Variants in KDM4C observed in about 807,000 individuals in gnomAD.
KDM4C encodes lysine-specific demethylase 4C.
KDM4C carries 81 observed loss-of-function variants against 129.3 expected under a neutral mutation model. The observed-to-expected ratio is 0.63, with a 90% CI of 0.52 to 0.75. KDM4C has a LOEUF of 0.75. Among genes scored for constraint, KDM4C ranks in the 30% least tolerant of loss-of-function variants. KDM4C has a pLI of 0.00. For synonymous variants in KDM4C, 573 were observed against 456.1 expected (o/e 1.26, Z -3.26); for missense variants, 1,457 against 1,304.0 (o/e 1.12, Z -1.81).
chr9:7,109,542 G>A (rs1023103267), intron 18 of KDM4C, among the ~76,000 whole-genome samples: 3 of 152,190 alleles, frequency 2.0e-5, no homozygotes, highest in Admixed American at 6.5e-5. Flanking sequence ...TCACTATATT[G>A]TTGTGCCCCT....
intron 20 of KDM4C, 120 bp downstream of exon 20, chr9:7,165,477 T>C: frequency 8.7e-7 from 1 of 1,143,952 alleles, no homozygotes. Context: ...TCTTATTTTA[T>C]GCAGGAGGCA....
In KDM4C at chr9:6,991,344, A is replaced by G. The variant is rs1818711276; in HGVS notation, c.1786+820A>G. ...AGCATTTCTCCTGCCTCAGCCCCGC[A>G]AAGTGCTGAGATTATAAGCATTAGC... is the stretch of plus-strand genomic sequence containing the variant. On this transcript the variant is annotated intron_variant, in intron 12 of 21. Coordinates refer to ENST00000381309, the MANE Select transcript of KDM4C (RefSeq NM_015061.6). Among the ~76,000 whole-genome samples the G allele has an allele frequency of 2.6e-5, 4 of 152,242 alleles. 1 individual carries two copies. The South Asian group carries it at 8.3e-4, about 32-fold the overall frequency.
chr9:6,747,226 C>CAAAG (rs148598220), intron 1 of KDM4C, among the ~76,000 whole-genome samples: 4 of 77,292 alleles, frequency 5.2e-5, no homozygotes, highest in African/African-American at 2.8e-4. Context: ...ACCAACCAAC[C>CAAAG]AAAGAACCTG....
At chr9:7,033,043 G>A (rs573581143) in intron 15 of KDM4C, among the ~76,000 whole-genome samples, 2 of 152,068 alleles carry the variant, frequency 1.3e-5, no homozygotes, top group South Asian at 2.1e-4. Context: ...GCTCTGAAGC[G>A]GCTTTGTAGA....
intron 7 of KDM4C, among the ~76,000 whole-genome samples, chr9:6,891,436 A>C (rs896524775): frequency 6.6e-6 from 1 of 152,342 alleles, no homozygotes; most frequent in East Asian, 1.9e-4. Flanking sequence ...TGATTCTATT[A>C]ATATTAAATA....
At chr9:6,801,894 C>T in intron 2 of KDM4C, among the ~76,000 whole-genome samples, 1 of 151,952 alleles carries the variant, frequency 6.6e-6, no homozygotes, top group Non-Finnish European at 1.5e-5. Context: ...CACCTGAGGT[C>T]AGGAGTTCGA....
intron 15 of KDM4C, among the ~76,000 whole-genome samples, chr9:7,043,264 C>T (rs961912645): frequency 2.6e-5 from 4 of 151,916 alleles, no homozygotes; most frequent in African/African-American, 4.8e-5. Flanking sequence ...GACTCAGTGT[C>T]TTGATGGATA....
At chr9:7,026,624 T>C (rs76752978) in intron 15 of KDM4C, among the ~76,000 whole-genome samples, 9,058 of 152,198 alleles carry the variant, frequency 0.06, 333 homozygotes, top group South Asian at 0.099. Context: ...GACATTAATA[T>C]CATTCCCTAG....
intron 2 of KDM4C, among the ~76,000 whole-genome samples, chr9:6,805,004 G>A (rs536505039): frequency 1.3e-5 from 2 of 151,962 alleles, no homozygotes; most frequent in South Asian, 4.2e-4. Context: ...GGGTTCAAGC[G>A]ATTCTCCTGC....
At chr9:7,157,034 A>C (rs1843254292) in intron 19 of KDM4C, among the ~76,000 whole-genome samples, 1 of 152,146 alleles carries the variant, frequency 6.6e-6, no homozygotes. Flanking sequence ...TTTGTTGAGC[A>C]GTGGTTTGTA....
intron 5 of KDM4C, among the ~76,000 whole-genome samples, chr9:6,857,946 TA>T (rs770232547): frequency 1.6e-4 from 22 of 140,264 alleles, no homozygotes; most frequent in Non-Finnish European, 2.8e-4. Context: ...TTTTTTTTTT[TA>T]GAGATGGGGT....
intron 7 of KDM4C, among the ~76,000 whole-genome samples, chr9:6,890,136 G>T (rs1845908506): frequency 6.6e-6 from 1 of 152,154 alleles, no homozygotes; most frequent in African/African-American, 2.4e-5. Context: ...TATTCCTCAA[G>T]AACCACATTT....
chr9:6,853,040 T>TG (rs940162827), intron 5 of KDM4C, among the ~76,000 whole-genome samples: 8 of 150,868 alleles, frequency 5.3e-5, no homozygotes, highest in African/African-American at 1.7e-4. Context: ...TTTGTGTGTG[T>TG]TTTTTTTTCA....
chr9:6,984,840 T>C (rs818906), intron 10 of KDM4C, among the ~76,000 whole-genome samples: 65,965 of 152,044 alleles, frequency 0.43, 14,678 homozygotes, highest in African/African-American at 0.5. Context: ...AAAGTCAACC[T>C]AGTGAAATGA....
At chr9:7,105,650 C>T (rs1184084531) in intron 18 of KDM4C, 7 of 348,732 alleles carry the variant, frequency 2.0e-5, no homozygotes, top group Admixed American at 3.6e-5. Context: ...AATTCCAAAC[C>T]CCAAACCTCA....
chr9:6,863,974 T>G (rs1255363795), intron 5 of KDM4C, among the ~76,000 whole-genome samples: 1 of 152,058 alleles, frequency 6.6e-6, no homozygotes, highest in Non-Finnish European at 1.5e-5. Context: ...CCTCCAACAT[T>G]GAGGATCAGC....
intron 17 of KDM4C, among the ~76,000 whole-genome samples, chr9:7,082,697 T>C (rs1241348571): frequency 6.6e-6 from 1 of 152,072 alleles, no homozygotes; most frequent in African/African-American, 2.4e-5. Context: ...TGGCTCCAAA[T>C]CCCACACTGC....
At chr9:6,756,309 G>A (rs1033215356), upstream of KDM4C, among the ~76,000 whole-genome samples, 7 of 152,326 alleles carry the variant, frequency 4.6e-5, no homozygotes, top group South Asian at 1.4e-3. Flanking sequence ...GTAAGTGTTA[G>A]GTTGCATATT....
chr9:7,108,296 G>C (rs917312697), intron 18 of KDM4C, among the ~76,000 whole-genome samples: 1 of 152,032 alleles, frequency 6.6e-6, no homozygotes, highest in Non-Finnish European at 1.5e-5. Context: ...GAGCGCAGTG[G>C]CATGATCTCG....
Sources: gnomAD v4.1 joint callset for allele counts (sites outside exome capture counted in the v4.1 genomes callset) on GRCh38, gnomAD v4.1.1 for gene constraint, MANE v1.5 for transcripts, NCBI Gene and HGNC (gene_info 2026-07-23, HGNC 2026-07-21) for gene names.